The following ERBB4 variants were observed in gnomAD, a reference collection of about 807,000 sequenced individuals.
The protein encoded by ERBB4 is erb-b2 receptor tyrosine kinase 4.
Under a neutral mutation model 158.0 loss-of-function variants are expected in ERBB4, and 42 were observed. The observed-to-expected ratio is 0.27, with a 90% CI of 0.21 to 0.34. The LOEUF is 0.34. ERBB4 is among the 10% of genes least tolerant of loss of function. ERBB4 has a pLI of 1.00. For synonymous variants in ERBB4, 583 were observed against 558.7 expected (o/e 1.04, Z -0.61); for missense variants, 1,333 against 1,624.1 (o/e 0.82, Z 3.08).
At chr2:212,268,724 A>G (rs888835174) in intron 1 of ERBB4, among the ~76,000 whole-genome samples, 1 of 151,884 alleles carries the variant, frequency 6.6e-6, no homozygotes, top group Non-Finnish European at 1.5e-5. Context: ...CTGTTTTCCA[A>G]TAACACTTTA....
chr2:211,708,612 T>TTCTCTCTCTC (rs60948715), intron 9 of ERBB4, among the ~76,000 whole-genome samples: 10 of 116,576 alleles, frequency 8.6e-5, no homozygotes, highest in South Asian at 2.7e-4. Flanking sequence ...GTTTCCATCC[T>TTCTCTCTCTC]TCTCTCTCTC....
At chr2:211,442,002 C>T (rs1017425823) in intron 20 of ERBB4, among the ~76,000 whole-genome samples, 4 of 152,056 alleles carry the variant, frequency 2.6e-5, no homozygotes, top group Non-Finnish European at 5.9e-5. Flanking sequence ...CCTCATTCTC[C>T]TTTACCCTTC....
At chr2:212,474,819 A>ATTTTTTTTTTTTTTTTTTTTTT (rs1295029698) in intron 1 of ERBB4, among the ~76,000 whole-genome samples, 2 of 72,186 alleles carry the variant, frequency 2.8e-5, no homozygotes, top group African/African-American at 1.9e-4. Context: ...ACACCCGGCC[A>ATTTTTTTTTTTTTTTTTTTTTT]TTCTTTTTTT....
intron 4 of ERBB4, among the ~76,000 whole-genome samples, chr2:211,786,046 A>G (rs1446202903): frequency 6.6e-6 from 1 of 152,198 alleles, no homozygotes; most frequent in Non-Finnish European, 1.5e-5. Flanking sequence ...GAAGTCTTGA[A>G]CTAGGGCAAT....
At chr2:211,550,707 A>AAT (rs139062710) in intron 20 of ERBB4, among the ~76,000 whole-genome samples, 5,217 of 137,008 alleles carry the variant, frequency 0.038, 97 homozygotes, top group Middle Eastern at 0.053. Flanking sequence ...TATATATAGG[A>AAT]ATATATATAT....
chr2:211,864,402 C>T, intron 3 of ERBB4, among the ~76,000 whole-genome samples: 1 of 152,152 alleles, frequency 6.6e-6, no homozygotes, highest in Admixed American at 6.5e-5. Flanking sequence ...AACTCCTCCA[C>T]CTGGAGCAGT....
chr2:211,623,018 TATATATATATATATATATATATATATAA>T (rs2069685168), intron 18 of ERBB4, among the ~76,000 whole-genome samples: 2 of 73,404 alleles, frequency 2.7e-5, no homozygotes, highest in African/African-American at 1.8e-4. Flanking sequence ...TATATATATA[TATATATATATATATATATATATATATAA>T]AATGCCAAAG....
chr2:211,463,176 A>C (rs902781667), intron 20 of ERBB4, among the ~76,000 whole-genome samples: 1 of 152,188 alleles, frequency 6.6e-6, no homozygotes, highest in African/African-American at 2.4e-5. Flanking sequence ...TGACTGAAAA[A>C]GAAGTTAGGA....
intron 25 of ERBB4, among the ~76,000 whole-genome samples, chr2:211,394,745 C>T (rs769675024): frequency 6.6e-6 from 1 of 151,914 alleles, no homozygotes; most frequent in Non-Finnish European, 1.5e-5. Context: ...TTATCCTAAC[C>T]TCATAAAGAA....
chr2:212,397,633 G>T (rs2091069432), intron 1 of ERBB4, among the ~76,000 whole-genome samples: 2 of 151,990 alleles, frequency 1.3e-5, no homozygotes, highest in South Asian at 4.1e-4. Flanking sequence ...TTAACAACAT[G>T]ATTTTTAAAT....
chr2:212,266,611 C>G (rs2085145807), intron 1 of ERBB4, among the ~76,000 whole-genome samples: 1 of 151,934 alleles, frequency 6.6e-6, no homozygotes, highest in Non-Finnish European at 1.5e-5. Context: ...GATCATCCTA[C>G]AGATGAATGA....
At chr2:211,464,197 A>G (rs892898168) in intron 20 of ERBB4, among the ~76,000 whole-genome samples, 13 of 152,296 alleles carry the variant, frequency 8.5e-5, no homozygotes, top group African/African-American at 2.2e-4. Context: ...AAGCTCAACA[A>G]TAGCAGAATT....
intron 1 of ERBB4, among the ~76,000 whole-genome samples, chr2:212,192,572 G>C (rs1238161160): frequency 6.6e-6 from 1 of 152,004 alleles, no homozygotes; most frequent in Admixed American, 6.6e-5. Context: ...AAGGAAAAAA[G>C]GACAAATAGA....
intron 16 of ERBB4, among the ~76,000 whole-genome samples, chr2:211,639,287 C>T (rs1301921937): frequency 1.3e-5 from 2 of 152,104 alleles, no homozygotes; most frequent in African/African-American, 2.4e-5. Context: ...TTAAGTATCA[C>T]TATGTCCTAT....
At chr2:211,517,838 T>C (rs1380845998) in intron 20 of ERBB4, among the ~76,000 whole-genome samples, 1 of 152,164 alleles carries the variant, frequency 6.6e-6, no homozygotes, top group Non-Finnish European at 1.5e-5. Context: ...AGGTAGATTT[T>C]ATTTTTGATG....
chr2:211,566,926 A>T (rs1023953427), intron 19 of ERBB4, among the ~76,000 whole-genome samples: 1 of 152,204 alleles, frequency 6.6e-6, no homozygotes, highest in Non-Finnish European at 1.5e-5. Flanking sequence ...GTTTAGAAGA[A>T]GATCTTAGGA....
intron 5 of ERBB4, among the ~76,000 whole-genome samples, chr2:211,739,729 A>G (rs1032239338): frequency 2.0e-5 from 3 of 152,226 alleles, no homozygotes; most frequent in African/African-American, 7.2e-5. Flanking sequence ...TCGGCCTCCC[A>G]AAGTGTTGGG....
At chr2:211,774,809 G>A (rs2075831117) in intron 4 of ERBB4, among the ~76,000 whole-genome samples, 2 of 152,166 alleles carry the variant, frequency 1.3e-5, no homozygotes, top group African/African-American at 4.8e-5. Context: ...TATTAATATT[G>A]GGCTGTTAAC....
chr2:211,451,324 T>G lies in ERBB4; in HGVS notation c.2488-20224A>C, dbSNP rs564995316. On this transcript the variant is annotated intron_variant, in intron 20 of 27. Coordinates refer to ENST00000342788, the MANE Select transcript of ERBB4 (RefSeq NM_005235.3). ...GTTGATAAAAGTTTCACTTAAGCAT[T>G]CAGGACGGAAGTCTGAATAGTAGTT... 2.0e-4 allele frequency among the ~76,000 whole-genome samples: 31 copies of G among 152,256 alleles called. No individual in the cohort carries two copies. In the South Asian group the frequency reaches 3.9e-3, roughly 19 times the overall value.
Sources: allele counts gnomAD v4.1 joint callset (sites outside exome capture counted in the v4.1 genomes callset), GRCh38; gene constraint gnomAD v4.1.1; transcripts MANE v1.5; gene names NCBI Gene and HGNC (gene_info 2026-07-23, HGNC 2026-07-21).